Variants in SOX5 observed in about 807,000 individuals in gnomAD.
SOX5 encodes the protein SRY-box transcription factor 5, also known as transcription factor SOX-5.
Under a neutral mutation model 92.0 loss-of-function variants are expected in SOX5, and 9 were observed. That is an observed-to-expected ratio of 0.10 (90% CI 0.06 to 0.17). The LOEUF is 0.17. Among genes scored for constraint, SOX5 ranks in the 10% least tolerant of loss-of-function variants. The pLI, the probability that SOX5 is intolerant of heterozygous loss-of-function variation, is 1.00. For synonymous variants in SOX5, 344 were observed against 336.3 expected, an observed-to-expected ratio of 1.02 and a Z score of -0.25; for missense variants, 642 against 944.5, an observed-to-expected ratio of 0.68 and a Z score of 4.20.
At chr12:24,496,610 T>C (rs1334981987) in intron 1 of SOX5, among the ~76,000 whole-genome samples, 1 of 152,182 alleles carries the variant, frequency 6.6e-6, no homozygotes, top group African/African-American at 2.4e-5. Context: ...GGGATTTTTC[T>C]ATTTGGCTGG....
At chr12:24,497,382 G>A (rs1947747586) in intron 1 of SOX5, among the ~76,000 whole-genome samples, 1 of 152,196 alleles carries the variant, frequency 6.6e-6, no homozygotes, top group Non-Finnish European at 1.5e-5. Flanking sequence ...GAGTGTCAAA[G>A]AGGTCAAGGA....
chr12:23,790,670 T>G (rs1351526774), intron 3 of SOX5, among the ~76,000 whole-genome samples: 2 of 152,058 alleles, frequency 1.3e-5, no homozygotes, highest in African/African-American at 4.8e-5. Context: ...TGTAAATTAA[T>G]CCAGAATCAT....
chr12:24,003,389 T>C (rs1195066230), intron 4 of SOX5, among the ~76,000 whole-genome samples: 2 of 152,098 alleles, frequency 1.3e-5, no homozygotes, highest in Non-Finnish European at 2.9e-5. Context: ...CTCGGGGTGT[T>C]TGATCCTATA....
chr12:23,767,934 AT>A, intron 3 of SOX5, among the ~76,000 whole-genome samples: 1 of 152,204 alleles, frequency 6.6e-6, no homozygotes, highest in East Asian at 1.9e-4. Context: ...AATGTATGAT[AT>A]TTACATATAA....
intron 4 of SOX5, among the ~76,000 whole-genome samples, chr12:24,004,368 T>A (rs1445566744): frequency 6.6e-6 from 1 of 150,438 alleles, no homozygotes; most frequent in Non-Finnish European, 1.5e-5. Flanking sequence ...TATTTTAAAA[T>A]AATATTTAAG....
At chr12:24,201,490 T>C (rs529268766) in intron 4 of SOX5, among the ~76,000 whole-genome samples, 1 of 152,336 alleles carries the variant, frequency 6.6e-6, no homozygotes, top group African/African-American at 2.4e-5. Flanking sequence ...CAGTATAATT[T>C]GAGAAACTCT....
intron 2 of SOX5, among the ~76,000 whole-genome samples, chr12:24,335,695 G>T (rs1393430082): frequency 2.0e-5 from 3 of 151,834 alleles, no homozygotes; most frequent in Non-Finnish European, 4.4e-5. Context: ...CTGTTTTTAG[G>T]GAAGACAGTG....
chr12:23,784,225 T>C (rs1270815062), intron 3 of SOX5, among the ~76,000 whole-genome samples: 1 of 152,214 alleles, frequency 6.6e-6, no homozygotes, highest in Non-Finnish European at 1.5e-5. Flanking sequence ...TGAAATCTCA[T>C]AGGCTTCTCC....
chr12:23,772,054 G>T (rs1028733672), intron 3 of SOX5, among the ~76,000 whole-genome samples: 2 of 152,054 alleles, frequency 1.3e-5, no homozygotes, highest in Non-Finnish European at 2.9e-5. Context: ...CAGCATATTT[G>T]CATGCCTGCT....
chr12:23,722,660 A>G (rs1333918668), intron 6 of SOX5, among the ~76,000 whole-genome samples: 1 of 152,208 alleles, frequency 6.6e-6, no homozygotes, highest in African/African-American at 2.4e-5. Context: ...ATACATACAC[A>G]TATACCACAA....
chr12:23,574,697 AT>A (rs1047958240), intron 10 of SOX5, among the ~76,000 whole-genome samples: 4 of 151,986 alleles, frequency 2.6e-5, no homozygotes, highest in Non-Finnish European at 5.9e-5. Context: ...TCCACCACAC[AT>A]TTTTTTCTAC....
intron 6 of SOX5, among the ~76,000 whole-genome samples, chr12:23,725,897 C>T (rs748085976): frequency 5.9e-5 from 9 of 152,074 alleles, no homozygotes; most frequent in East Asian, 1.9e-4. Context: ...CTGCTGTAAG[C>T]TCAAGTATGA....
Position 23,853,361 on chromosome 12 carries a change from ATAT to A in SOX5, c.271-7171_271-7169del, listed in dbSNP as rs1450635874. Among the ~76,000 whole-genome samples, 8 of 151,826 alleles carry A rather than the reference ATAT, an allele frequency of 5.3e-5. No homozygotes were observed. The East Asian group carries it at 1.2e-3, about 22-fold the overall frequency. On this transcript the variant is annotated intron_variant, in intron 2 of 14. Transcript: ENST00000451604. Reference sequence around the variant, plus strand: ...ATTAGATCTCATTTACAATATGAAAATATTATATTTTGTTTTATAAATCACTAT... The same window carrying A: ...ATTAGATCTCATTTACAATATGAAAATATATTTTGTTTTATAAATCACTAT...
intron 4 of SOX5, among the ~76,000 whole-genome samples, chr12:24,040,131 A>G: frequency 6.6e-6 from 1 of 152,198 alleles, no homozygotes; most frequent in East Asian, 1.9e-4. Flanking sequence ...CCAGGAAGAT[A>G]ATGTTCCTAG....
chr12:24,506,587 T>C (rs1948767811), intron 1 of SOX5, among the ~76,000 whole-genome samples: 1 of 151,924 alleles, frequency 6.6e-6, no homozygotes, highest in Admixed American at 6.6e-5. Flanking sequence ...ATGGTAGGGG[T>C]GAATATAGAA....
At chr12:24,401,708 TAAAAAAAAAAAAAAA>T (rs71063321) in intron 1 of SOX5, among the ~76,000 whole-genome samples, 2 of 99,454 alleles carry the variant, frequency 2.0e-5, no homozygotes, top group South Asian at 3.5e-4. Flanking sequence ...ACCCTATCTT[TAAAAAAAAAAAAAAA>T]AAAAAAAAAA....
At chr12:24,376,974 G>A (rs1464181413) in intron 1 of SOX5, among the ~76,000 whole-genome samples, 2 of 151,668 alleles carry the variant, frequency 1.3e-5, no homozygotes, top group Non-Finnish European at 2.9e-5. Context: ...GTCTCCCAAA[G>A]TGTTGGGATT....
chr12:24,044,429 G>A (rs1339825127), intron 4 of SOX5, among the ~76,000 whole-genome samples: 4 of 152,174 alleles, frequency 2.6e-5, no homozygotes, highest in African/African-American at 9.7e-5. Flanking sequence ...AGAAGACAGT[G>A]AATTAAGACT....
At chr12:23,762,437 A>G in intron 3 of SOX5, 1 of 399,708 alleles carries the variant, frequency 2.5e-6, no homozygotes, top group Non-Finnish European at 4.4e-6. Flanking sequence ...AACACATACC[A>G]CAACAAACAA....
Sources: gnomAD v4.1 joint callset for allele counts (sites outside exome capture counted in the v4.1 genomes callset) on GRCh38, gnomAD v4.1.1 for gene constraint, MANE v1.5 for transcripts, NCBI Gene and HGNC (gene_info 2026-07-23, HGNC 2026-07-21) for gene names.